Variants in PKHD1 observed in about 807,000 individuals in gnomAD.
PKHD1 encodes PKHD1 ciliary IPT domain containing fibrocystin/polyductin, also known as fibrocystin.
In PKHD1, 291 loss-of-function variants were observed where a neutral mutation model predicts 412.0. The ratio of observed to expected loss-of-function variants is 0.71; its 90% CI spans 0.64 to 0.78. The LOEUF (loss-of-function observed/expected upper bound fraction) is 0.78. Among genes scored for constraint, PKHD1 ranks in the 30% least tolerant of loss-of-function variants. The pLI is 0.00. For missense variants in PKHD1, 4,825 were observed against 4,950.7 expected (o/e 0.97, Z 0.76); for synonymous variants, 1,777 against 1,821.5 (o/e 0.98, Z 0.62).
chr6:51,897,058 G>C (rs1054277273), intron 43 of PKHD1, among the ~76,000 whole-genome samples: 4 of 151,068 alleles, frequency 2.6e-5, no homozygotes, highest in African/African-American at 7.3e-5. Context: ...GAAAGTGATG[G>C]GGAGAATGGA....
At chr6:52,020,304 A>T (rs1304628617) in intron 33 of PKHD1, among the ~76,000 whole-genome samples, 1 of 152,210 alleles carries the variant, frequency 6.6e-6, no homozygotes, top group East Asian at 1.9e-4. Flanking sequence ...GGTAACAGAA[A>T]GCTTATTAAC....
At position 51,737,727 on chromosome 6, in the gene PKHD1, AGTGTGT is replaced by A. The variant is rs58089479; in HGVS notation, c.10156+6652_10156+6657del. On this transcript the variant is annotated intron_variant, in intron 60 of 66. Coordinates refer to ENST00000371117, the MANE Select transcript of PKHD1 (RefSeq NM_138694.4). The stretch of plus-strand genomic sequence containing the variant: ...ATCACTTATTGTTTGTGTGTGTGTG[AGTGTGT>A]GTGTGTGTGTGTGTGTGTTTAACTC... Among the ~76,000 whole-genome samples the A allele has an allele frequency of 1.1e-3, 163 of 149,712 alleles. 1 individual carries two copies. Among genetic ancestry groups the A allele is most frequent in the African/African-American group, 3.5e-3 (142 of 40,948 alleles).
At position 51,847,861 on chromosome 6, in the gene PKHD1, A is replaced by T. The variant is rs1186924961; in HGVS notation, c.8021T>A (p.Leu2674Gln). ...TGGTGATGGAAGAAATGGAAAAGACAGACCCACTCGACTCCCACATCTTAG... is the reference window on the plus strand; with the variant it reads ...TGGTGATGGAAGAAATGGAAAAGACTGACCCACTCGACTCCCACATCTTAG... Reference protein sequence around the residue: ...ILLRCGSRVGLSFPFLPSPGQ... With the variant: ...ILLRCGSRVGQSFPFLPSPGQ... The change falls in exon 50 of 67, where the codon CTG (leucine) becomes CAG (glutamine). Residue 2674 changes from leucine to glutamine, a missense_variant. Physicochemically the swap from Leu to Gln is moderately radical, Grantham distance 113. Coordinates refer to ENST00000371117, the MANE Select transcript of PKHD1 (RefSeq NM_138694.4). 6.2e-7 allele frequency: 1 copy of T among 1,614,040 alleles called. No individual in the cohort carries two copies. The highest frequency in any genetic ancestry group is 1.7e-5 in the Admixed American group (1 of 60,024).
rs768093597 is a variant in PKHD1, at chr6:52,025,040, G to C, written c.4770C>G (p.Leu1590=). The change falls in exon 32 of 67, where the codon CTC becomes CTG. Residue 1590 remains leucine (L), a synonymous_variant. Transcript: ENST00000371117. The part of the protein sequence containing the change: ...PKNFSLHGGS[L]LTIEGTGLRG... ...TCAGGCCTGTGCCCTCTATGGTCAA[G>C]AGGCTTCCACCATGTAAGCTGAAAT... 6.2e-7 allele frequency: 1 copy of C among 1,614,188 alleles called. No individual in the cohort carries two copies. Among genetic ancestry groups the C allele is most frequent in the East Asian group, 2.2e-5 (1 of 44,878 alleles).
chr6:52,085,768 TCAGTA>T (rs1435402611), intron 1 of PKHD1, among the ~76,000 whole-genome samples: 4 of 152,050 alleles, frequency 2.6e-5, no homozygotes, highest in Admixed American at 2.6e-4. Context: ...CACACAGCGC[TCAGTA>T]CATTGGAGTG....
chr6:52,026,200 A>T lies in PKHD1; in HGVS notation c.3629-19T>A, dbSNP rs1454445840. On this transcript the variant is annotated intron_variant, in intron 31 of 66. Coordinates refer to ENST00000371117, the MANE Select transcript of PKHD1 (RefSeq NM_138694.4). ...GTCCCTCCTAAAGTATGAATACGGA[A>T]AGCAAAATATTATAGCTGATATTCT... 6.2e-7 allele frequency: 1 copy of T among 1,610,838 alleles called. No homozygotes were observed. Among genetic ancestry groups the T allele is most frequent in the Non-Finnish European group, 8.5e-7 (1 of 1,177,312 alleles).
At chr6:52,047,790 G>A (rs1459585725) in intron 23 of PKHD1, among the ~76,000 whole-genome samples, 1 of 152,214 alleles carries the variant, frequency 6.6e-6, no homozygotes, top group African/African-American at 2.4e-5. Context: ...AAGCTTCAGT[G>A]TAGTTGGCTG....
At chr6:51,632,750 A>T (rs745781087) in intron 64 of PKHD1, 27 bp from the exon 65 acceptor site, 33 of 1,588,626 alleles carry the variant, frequency 2.1e-5, no homozygotes, top group Non-Finnish European at 2.8e-5. Context: ...AAGATGTTTC[A>T]ATGATATGTT....
chr6:51,664,122 G>A (rs1386889396), intron 60 of PKHD1, among the ~76,000 whole-genome samples: 2 of 152,020 alleles, frequency 1.3e-5, no homozygotes, highest in Non-Finnish European at 2.9e-5. Context: ...CTAGTAGGAT[G>A]TATACCTTCA....
At chr6:51,654,276 T>C (rs1771451799) in intron 61 of PKHD1, among the ~76,000 whole-genome samples, 1 of 152,126 alleles carries the variant, frequency 6.6e-6, no homozygotes, top group African/African-American at 2.4e-5. Flanking sequence ...AGCAGCTTCA[T>C]AGAGAATTAA....
chr6:51,784,168 C>T lies in PKHD1; in HGVS notation c.8440+7068G>A, dbSNP rs17815422. On this transcript the variant is annotated intron_variant, in intron 53 of 66. Coordinates refer to ENST00000371117, the MANE Select transcript of PKHD1 (RefSeq NM_138694.4). The stretch of plus-strand genomic sequence containing the variant: ...TCATTACCGAATGCAGTAATGGCAA[C>T]ATGAATGAGTAGCACGGATCAGAAG... Among the ~76,000 whole-genome samples, 328 of 152,268 alleles carry T rather than the reference C, an allele frequency of 2.2e-3. 3 individuals carry two copies. The East Asian group carries it at 0.031, about 14-fold the overall frequency.
chr6:52,010,394 T>C lies in PKHD1; in HGVS notation c.5666A>G (p.Glu1889Gly), dbSNP rs1230813153. 6.2e-7 allele frequency: 1 copy of C among 1,610,436 alleles called. No individual in the cohort carries two copies. Among genetic ancestry groups the C allele is most frequent in the Non-Finnish European group, 8.5e-7 (1 of 1,176,754 alleles). Reference sequence around the variant, plus strand: ...GGGCGTCTCACACTCCATCTCTGCCTCAGTTTCCATGGTAATGTTACAGGA... The same window carrying C: ...GGGCGTCTCACACTCCATCTCTGCCCCAGTTTCCATGGTAATGTTACAGGA... ...NSSCNITMET[E>G]AEMECETPNQ... The change falls in exon 35 of 67, where the codon GAG (glutamate) becomes GGG (glycine). Residue 1889 changes from glutamate (E) to glycine (G), a missense_variant. Transcript: ENST00000371117.
intron 60 of PKHD1, among the ~76,000 whole-genome samples, chr6:51,714,178 TG>T (rs1247425916): frequency 3.3e-5 from 5 of 152,116 alleles, no homozygotes; most frequent in Non-Finnish European, 7.4e-5. Context: ...GAGACCAGCC[TG>T]GCCAATATAG....
At chr6:51,772,915 C>T in intron 54 of PKHD1, 126 bp from the exon 55 acceptor site, 1 of 688,548 alleles carries the variant, frequency 1.5e-6, no homozygotes, top group Non-Finnish European at 2.6e-6. Flanking sequence ...ATGAAGGTCC[C>T]ATATTATCAA....
chr6:51,986,907 A>T (rs932658725), intron 35 of PKHD1, among the ~76,000 whole-genome samples: 1 of 152,256 alleles, frequency 6.6e-6, no homozygotes, highest in Non-Finnish European at 1.5e-5. Context: ...CAGGCACAGC[A>T]GTAGGTGCTC....
chr6:51,982,833 A>T, intron 35 of PKHD1, among the ~76,000 whole-genome samples: 1 of 144,462 alleles, frequency 6.9e-6, no homozygotes, highest in Non-Finnish European at 1.5e-5. Context: ...ATAATAAATA[A>T]AAAATAAAAA....
At chr6:51,685,714 T>C (rs1309378519) in intron 60 of PKHD1, among the ~76,000 whole-genome samples, 1 of 152,112 alleles carries the variant, frequency 6.6e-6, no homozygotes, top group Non-Finnish European at 1.5e-5. Context: ...CCGAAGCAAC[T>C]TCTTTGTTTT....
At position 51,961,773 on chromosome 6, in the gene PKHD1, A is replaced by G. The variant is rs147605835; in HGVS notation, c.5752-1747T>C. On this transcript the variant is annotated intron_variant, in intron 35 of 66. Coordinates refer to ENST00000371117, the MANE Select transcript of PKHD1 (RefSeq NM_138694.4). ...TATCTGTAGTGTCAGCTGCGAGTCC[A>G]TGATAAAAGGACATTTGAAAACTCT... Among the ~76,000 whole-genome samples, 852 of 152,250 alleles carry G rather than the reference A, an allele frequency of 5.6e-3. 5 individuals are homozygous for G. Among genetic ancestry groups the G allele is most frequent in the Middle Eastern group, 0.02 (6 of 294 alleles).
chr6:52,002,255 G>A (rs1798494993), intron 35 of PKHD1, among the ~76,000 whole-genome samples: 1 of 152,200 alleles, frequency 6.6e-6, no homozygotes, highest in African/African-American at 2.4e-5. Context: ...AAAGCTGGAA[G>A]TCAGCTAGTA....
Sources: gnomAD v4.1 joint callset for allele counts (sites outside exome capture counted in the v4.1 genomes callset) on GRCh38, gnomAD v4.1.1 for gene constraint, MANE v1.5 for transcripts, NCBI Gene and HGNC (gene_info 2026-07-23, HGNC 2026-07-21) for gene names.